Variants in SYNRG observed in about 807,000 individuals in gnomAD.
The protein encoded by SYNRG is AP1 gamma subunit binding protein 1.
A neutral mutation model predicts 130.9 loss-of-function variants in SYNRG; 37 were observed. The observed-to-expected ratio is 0.28, with a 90% CI of 0.22 to 0.37. SYNRG has a LOEUF of 0.37. SYNRG is among the 10% of genes least tolerant of loss of function. SYNRG has a pLI of 1.00. For synonymous variants in SYNRG, 539 were observed against 568.1 expected (o/e 0.95, Z 0.73); for missense variants, 1,338 against 1,588.9 (o/e 0.84, Z 2.68).
chr17:37,524,967 A>T (rs1438903038), intron 19 of SYNRG, among the ~76,000 whole-genome samples: 1 of 152,220 alleles, frequency 6.6e-6, no homozygotes, highest in Non-Finnish European at 1.5e-5. Context: ...GCCCCTTAAT[A>T]TCTGTTTACC....
intron 11 of SYNRG, chr17:37,567,778 A>T (rs1384705743): frequency 1.3e-5 from 2 of 152,254 alleles, no homozygotes; most frequent in Admixed American, 1.3e-4. Flanking sequence ...GCGAAACTGC[A>T]TAAACAGGAA....
chr17:37,536,479 G>A (rs143179622), intron 18 of SYNRG: 1 of 235,110 alleles, frequency 4.3e-6, no homozygotes, highest in Non-Finnish European at 8.1e-6. Flanking sequence ...GGGTAATATG[G>A]TAAAAGGCTT....
intron 6 of SYNRG, among the ~76,000 whole-genome samples, chr17:37,583,059 C>T (rs1459390665): frequency 6.6e-6 from 1 of 151,060 alleles, no homozygotes; most frequent in East Asian, 1.9e-4. Flanking sequence ...GGCGCAGTCT[C>T]GACTCACTGC....
chr17:37,594,523 C>T (rs560503160), intron 3 of SYNRG, among the ~76,000 whole-genome samples: 5 of 144,422 alleles, frequency 3.5e-5, no homozygotes, highest in Non-Finnish European at 7.5e-5. Flanking sequence ...AGTGCAGTGG[C>T]GCAATCTCAG....
chr17:37,580,291 A>C (rs1249425105), intron 6 of SYNRG, among the ~76,000 whole-genome samples: 1 of 123,252 alleles, frequency 8.1e-6, no homozygotes, highest in East Asian at 2.7e-4. Context: ...AAAATTACAA[A>C]AGAACTTTTT....
chr17:37,542,755 T>G (rs1349751451), intron 14 of SYNRG, among the ~76,000 whole-genome samples, 190 bp from the exon 15 acceptor site: 2 of 152,184 alleles, frequency 1.3e-5, no homozygotes, highest in Admixed American at 6.6e-5. Context: ...CACATTAGCC[T>G]TGAGTTGGCA....
At chr17:37,555,113 A>G (rs1447999521) in intron 13 of SYNRG, among the ~76,000 whole-genome samples, 1 of 152,056 alleles carries the variant, frequency 6.6e-6, no homozygotes, top group African/African-American at 2.4e-5. Flanking sequence ...AGACATTGAT[A>G]AAAATTTAGG....
chr17:37,607,955 CAAA>C (rs67822733), intron 1 of SYNRG, among the ~76,000 whole-genome samples: 7 of 51,124 alleles, frequency 1.4e-4, no homozygotes, highest in African/African-American at 2.7e-4. Context: ...GACTTCCTCT[CAAA>C]AAAAAAAAAA....
chr17:37,557,204 C>T (rs886541935), intron 13 of SYNRG: 3 of 152,072 alleles, frequency 2.0e-5, no homozygotes, highest in African/African-American at 7.2e-5. Context: ...CACTTTTTTG[C>T]TAAAATTTCA....
intron 19 of SYNRG, among the ~76,000 whole-genome samples, chr17:37,525,544 A>G (rs2055731978): frequency 1.3e-5 from 2 of 152,220 alleles, no homozygotes; most frequent in Admixed American, 6.5e-5. Context: ...CAAAAGTCAC[A>G]CGTAAGCCGG....
At chr17:37,539,973 A>G (rs1462855482) in intron 16 of SYNRG, among the ~76,000 whole-genome samples, 1 of 152,206 alleles carries the variant, frequency 6.6e-6, no homozygotes. Flanking sequence ...AAGGTGGGAA[A>G]TTAAGTGTGT....
At chr17:37,559,059 T>A (rs866167999) in intron 13 of SYNRG, among the ~76,000 whole-genome samples, 4 of 152,242 alleles carry the variant, frequency 2.6e-5, no homozygotes, top group African/African-American at 9.6e-5. Flanking sequence ...ATGCTACTAA[T>A]GAAGGAAAAT....
At chr17:37,581,293 T>G (rs190496200) in intron 6 of SYNRG, among the ~76,000 whole-genome samples, 1,582 of 151,824 alleles carry the variant, frequency 0.01, 25 homozygotes, top group African/African-American at 0.034. Context: ...TTATTATTAT[T>G]ATGATACTGG....
At chr17:37,544,513 C>T (rs1043838456) in intron 14 of SYNRG, among the ~76,000 whole-genome samples, 1 of 152,072 alleles carries the variant, frequency 6.6e-6, no homozygotes, top group Non-Finnish European at 1.5e-5. Flanking sequence ...CGGGGTTTCA[C>T]CATGTTGGCC....
intron 6 of SYNRG, chr17:37,579,144 C>T (rs1451935461): frequency 1.7e-6 from 2 of 1,181,202 alleles, no homozygotes; most frequent in African/African-American, 1.6e-5. Context: ...GCTTCTGGTA[C>T]ACTGTGTGAG....
intron 2 of SYNRG, 129 bp downstream of exon 2, chr17:37,600,234 G>T: frequency 1.3e-6 from 1 of 750,408 alleles, no homozygotes. Context: ...GGACATACAG[G>T]TTTAAGAGTG....
At chr17:37,592,393 T>A (rs1204493853) in intron 3 of SYNRG, among the ~76,000 whole-genome samples, 2 of 152,170 alleles carry the variant, frequency 1.3e-5, no homozygotes, top group African/African-American at 4.8e-5. Context: ...GGCAGCATCT[T>A]AAAAAACTGA....
chr17:37,519,067 A>C lies in SYNRG; in HGVS notation c.3818T>G (p.Phe1273Cys). Residue 1273 changes from phenylalanine (F) to cysteine (C), a missense_variant, in exon 22 of 22, where the codon TTC (phenylalanine) becomes TGC (cysteine). Physicochemically the swap from Phe to Cys is radical, Grantham distance 205 (BLOSUM62 -2). Transcript: ENST00000612223. Reference protein sequence around the residue: ...KPAEEHPKKAFNSETDSFKLA... With the variant: ...KPAEEHPKKACNSETDSFKLA... Reference sequence around the variant, plus strand: ...CTTGAAACTGTCTGTTTCTGAGTTGAATGCCTGCCAGAAATAAACAGAGAT... The same window carrying C: ...CTTGAAACTGTCTGTTTCTGAGTTGCATGCCTGCCAGAAATAAACAGAGAT... 6.2e-7 allele frequency: 1 copy of C among 1,613,196 alleles called. No individual in the cohort carries two copies. The highest frequency in any genetic ancestry group is 1.1e-5 in the South Asian group (1 of 91,022).
intron 11 of SYNRG, among the ~76,000 whole-genome samples, chr17:37,563,002 C>A (rs557332827): frequency 2.8e-4 from 42 of 151,206 alleles, no homozygotes; most frequent in Admixed American, 1.4e-3. Flanking sequence ...GAAAAAAAAA[C>A]AACAACAGAA....
Sources: allele counts gnomAD v4.1 joint callset (sites outside exome capture counted in the v4.1 genomes callset), GRCh38; gene constraint gnomAD v4.1.1; transcripts MANE v1.5; gene names NCBI Gene and HGNC (gene_info 2026-07-23, HGNC 2026-07-21).